The following RNF220 variants were observed in gnomAD, a reference collection of about 807,000 sequenced individuals.
RNF220 encodes E3 ubiquitin-protein ligase RNF220.
Under a neutral mutation model 67.1 loss-of-function variants are expected in RNF220, and 7 were observed. The observed-to-expected ratio is 0.10, with a 90% confidence interval of 0.06 to 0.20. RNF220 has a LOEUF of 0.20. Ranked by LOEUF, RNF220 falls within the 10% of genes least tolerant of loss-of-function variation. RNF220 has a pLI of 1.00. For missense variants in RNF220, 565 were observed against 740.3 expected, an observed-to-expected ratio of 0.76 and a Z score of 2.75; for synonymous variants, 270 against 283.2, an observed-to-expected ratio of 0.95 and a Z score of 0.47.
At chr1:44,487,871 C>T (rs1656458020) in intron 2 of RNF220, among the ~76,000 whole-genome samples, 1 of 150,262 alleles carries the variant, frequency 6.7e-6, no homozygotes, top group South Asian at 2.1e-4. Flanking sequence ...CAGAGTGAGA[C>T]TCTGTATCAA....
At chr1:44,510,250 A>AAG (rs370846839) in intron 2 of RNF220, among the ~76,000 whole-genome samples, 25 of 147,642 alleles carry the variant, frequency 1.7e-4, no homozygotes, top group African/African-American at 5.7e-4. Flanking sequence ...AAAAAAAGGA[A>AAG]AGAGAGAGAG....
chr1:44,541,777 C>T (rs1201327833), intron 2 of RNF220, among the ~76,000 whole-genome samples: 2 of 152,204 alleles, frequency 1.3e-5, no homozygotes, highest in African/African-American at 4.8e-5. Flanking sequence ...GTCATCTGAG[C>T]CTCTCCTGTT....
intron 2 of RNF220, among the ~76,000 whole-genome samples, chr1:44,416,006 T>C (rs905308565): frequency 6.8e-6 from 1 of 146,966 alleles, no homozygotes; most frequent in African/African-American, 2.4e-5. Context: ...ATATAGCGAT[T>C]TGGGTCAAGC....
At chr1:44,498,141 G>A (rs1323925636) in intron 2 of RNF220, among the ~76,000 whole-genome samples, 1 of 152,164 alleles carries the variant, frequency 6.6e-6, no homozygotes. Flanking sequence ...TTGGTGAGTG[G>A]CGAAGGTCCC....
intron 8 of RNF220, chr1:44,636,618 A>G (rs914951852): frequency 1.7e-6 from 1 of 594,600 alleles, no homozygotes. Context: ...CTTCAGCCCT[A>G]TGTCAGGGAA....
intron 2 of RNF220, among the ~76,000 whole-genome samples, chr1:44,607,665 A>C (rs1667369723): frequency 1.3e-5 from 2 of 148,786 alleles, no homozygotes; most frequent in Non-Finnish European, 1.5e-5. Flanking sequence ...TTTTTTTTGT[A>C]TTTTTAGTAG....
intron 2 of RNF220, among the ~76,000 whole-genome samples, chr1:44,541,982 A>G (rs1337828862): frequency 1.3e-5 from 2 of 152,196 alleles, no homozygotes; most frequent in African/African-American, 4.8e-5. Context: ...GACAATCAGG[A>G]TCCATGCTAT....
chr1:44,514,565 T>C (rs553767531), intron 2 of RNF220, among the ~76,000 whole-genome samples: 1 of 152,316 alleles, frequency 6.6e-6, no homozygotes, highest in African/African-American at 2.4e-5. Flanking sequence ...CATGCTAGTG[T>C]TGAAACGATC....
At chr1:44,472,994 G>A (rs1654952925) in intron 2 of RNF220, among the ~76,000 whole-genome samples, 2 of 152,142 alleles carry the variant, frequency 1.3e-5, no homozygotes, top group South Asian at 4.1e-4. Flanking sequence ...CATGTCTCTA[G>A]ACCATACTGG....
At chr1:44,500,334 C>A (rs959078597) in intron 2 of RNF220, among the ~76,000 whole-genome samples, 1 of 152,216 alleles carries the variant, frequency 6.6e-6, no homozygotes, top group Admixed American at 6.5e-5. Flanking sequence ...TTTTCTCAGA[C>A]GCTCCTTCCT....
intron 2 of RNF220, among the ~76,000 whole-genome samples, chr1:44,474,886 G>A (rs1465986089): frequency 6.6e-6 from 1 of 152,142 alleles, no homozygotes; most frequent in Non-Finnish European, 1.5e-5. Context: ...TAAGGGAATT[G>A]AGCATCCAAG....
chr1:44,519,676 T>TGAGG (rs1558006024), intron 2 of RNF220, among the ~76,000 whole-genome samples: 1 of 152,110 alleles, frequency 6.6e-6, no homozygotes, highest in Non-Finnish European at 1.5e-5. Context: ...CGGCCCAAGT[T>TGAGG]GTGAACCTCC....
At chr1:44,478,582 C>T (rs1428001418) in intron 2 of RNF220, among the ~76,000 whole-genome samples, 1 of 151,906 alleles carries the variant, frequency 6.6e-6, no homozygotes, top group Non-Finnish European at 1.5e-5. Flanking sequence ...ATTAGCTGGG[C>T]GTGGTGGCAC....
intron 2 of RNF220, among the ~76,000 whole-genome samples, chr1:44,513,980 C>A (rs1338521417): frequency 1.3e-5 from 2 of 152,240 alleles, no homozygotes; most frequent in Non-Finnish European, 2.9e-5. Context: ...AAGAACCATT[C>A]GAGTAATAGA....
intron 5 of RNF220, among the ~76,000 whole-genome samples, chr1:44,629,899 G>C (rs1644066711): frequency 6.6e-6 from 1 of 152,192 alleles, no homozygotes; most frequent in Non-Finnish European, 1.5e-5. Context: ...ATGTATCTGG[G>C]GACCTGCTAG....
At chr1:44,476,684 A>G (rs528597435) in intron 2 of RNF220, among the ~76,000 whole-genome samples, 2 of 152,300 alleles carry the variant, frequency 1.3e-5, no homozygotes, top group African/African-American at 4.8e-5. Flanking sequence ...GGGAAGGCAG[A>G]TGTTAGAGTC....
intron 6 of RNF220, 178 bp from the exon 7 acceptor site, chr1:44,635,367 T>C: frequency 3.2e-6 from 3 of 934,632 alleles, no homozygotes; most frequent in Non-Finnish European, 4.6e-6. Flanking sequence ...CCAGGTGCTC[T>C]TGGCAAAGCC....
chr1:44,543,951 C>T (rs1028550353), intron 2 of RNF220, among the ~76,000 whole-genome samples: 24 of 152,144 alleles, frequency 1.6e-4, no homozygotes, highest in Non-Finnish European at 3.2e-4. Context: ...AGCCTGGGCC[C>T]GGGGTGAGAA....
rs1572430650 is a variant in RNF220 at position 44,417,836 on chromosome 1, C to G, written c.625+5114C>G. ...GCCCCGTTCGCTTACTTGCAAGGGA[C>G]CCCCAGCCTCCGCCACCGAGGCGGC... On this transcript the variant is annotated intron_variant, in intron 2 of 14. Transcript: ENST00000361799. The surrounding 1 kb of genome is among the most constrained non-coding windows in gnomAD (Gnocchi z 4.0). 6.6e-6 allele frequency among the ~76,000 whole-genome samples: 1 copy of G among 152,106 alleles called. No individual in the cohort carries two copies. The highest frequency in any genetic ancestry group is 2.1e-4 in the South Asian group (1 of 4,824).
Sources: allele counts gnomAD v4.1 joint callset (sites outside exome capture counted in the v4.1 genomes callset), GRCh38; gene constraint gnomAD v4.1.1; non-coding constraint Gnocchi (gnomAD v3.1); transcripts MANE v1.5; gene names NCBI Gene and HGNC (gene_info 2026-07-23, HGNC 2026-07-21).